MYO1D: variants seen among roughly 807,000 people sequenced by gnomAD.
MYO1D encodes the protein myosin ID, also known as unconventional myosin-Id.
MYO1D carries 83 observed loss-of-function variants against 122.0 expected under a neutral mutation model. That is an observed-to-expected ratio of 0.68 (90% CI 0.57 to 0.82). The LOEUF is 0.82. MYO1D is among the 40% of genes least tolerant of loss of function. The probability of loss-of-function intolerance (pLI) is 0.00; values close to 1 mark genes in which losing one functional copy is unlikely to be tolerated. For missense variants in MYO1D, 1,157 were observed against 1,269.5 expected (o/e 0.91, Z 1.35); for synonymous variants, 464 against 446.9 (o/e 1.04, Z -0.48).
At chr17:32,558,438 G>T (rs999463536) in intron 21 of MYO1D, among the ~76,000 whole-genome samples, 1 of 152,168 alleles carries the variant, frequency 6.6e-6, no homozygotes, top group Non-Finnish European at 1.5e-5. Flanking sequence ...ACTGCAGGAT[G>T]AACAGAAAAT....
intron 16 of MYO1D, among the ~76,000 whole-genome samples, chr17:32,696,897 A>G (rs1358300996): frequency 6.6e-6 from 1 of 152,242 alleles, no homozygotes. Flanking sequence ...ACCCACTATA[A>G]TGTCAAGTTC....
chr17:32,538,820 A>C (rs1372417197), intron 21 of MYO1D, among the ~76,000 whole-genome samples: 1 of 152,176 alleles, frequency 6.6e-6, no homozygotes, highest in Non-Finnish European at 1.5e-5. Flanking sequence ...GCTGGAAGCC[A>C]TAATCCTCAG....
intron 21 of MYO1D, among the ~76,000 whole-genome samples, chr17:32,550,380 C>T (rs544104110): frequency 2.6e-5 from 4 of 152,262 alleles, no homozygotes. Flanking sequence ...GATTACTGCG[C>T]CCAGCCTGAG....
chr17:32,600,134 T>C (rs2087546112), intron 21 of MYO1D, among the ~76,000 whole-genome samples: 1 of 152,360 alleles, frequency 6.6e-6, no homozygotes, highest in East Asian at 1.9e-4. Flanking sequence ...TTGAAAGGAA[T>C]CTTTTTTTTC....
chr17:32,814,175 C>T (rs952897769), intron 1 of MYO1D, among the ~76,000 whole-genome samples: 2 of 152,082 alleles, frequency 1.3e-5, no homozygotes, highest in African/African-American at 4.8e-5. Context: ...AAAACCCTGT[C>T]TCCACTAAAA....
chr17:32,659,045 G>A, intron 17 of MYO1D, 70 bp downstream of exon 17: 1 of 1,376,114 alleles, frequency 7.3e-7, no homozygotes, highest in Non-Finnish European at 1.0e-6. Context: ...CACGGTCTCA[G>A]ACTTGTGACT....
At chr17:32,658,139 CT>C (rs1418239804) in intron 17 of MYO1D, among the ~76,000 whole-genome samples, 3 of 151,274 alleles carry the variant, frequency 2.0e-5, no homozygotes, top group East Asian at 3.9e-4. Context: ...GCAATTATTT[CT>C]TTTTTTAAAA....
At chr17:32,503,367 C>T (rs902363737) in intron 21 of MYO1D, among the ~76,000 whole-genome samples, 4 of 152,330 alleles carry the variant, frequency 2.6e-5, no homozygotes, top group Admixed American at 2.0e-4. Context: ...CGCCGACCTG[C>T]CCTGCCCCTG....
rs2088442293 is a variant in MYO1D, at chr17:32,654,372, T to C, written c.2490+105A>G. Reference sequence around the variant, plus strand: ...TTAGTATCTCATAGAAATTATTTAGTTTCTAAAAGTGTTTTATCCTTTCTG... The same window carrying C: ...TTAGTATCTCATAGAAATTATTTAGCTTCTAAAAGTGTTTTATCCTTTCTG... On this transcript the variant is annotated intron_variant, in intron 18 of 21. Coordinates refer to ENST00000318217, the MANE Select transcript of MYO1D (RefSeq NM_015194.3). 18 of 1,244,602 alleles carry C rather than the reference T, an allele frequency of 1.4e-5. No individual in the cohort carries two copies. In the South Asian group the frequency reaches 2.3e-4, roughly 16 times the overall value. The allele number at this position is 1,244,602 out of a possible 1,614,324, so 77.1% of individuals were successfully genotyped here.
At chr17:32,581,599 C>T (rs2087340635) in intron 21 of MYO1D, among the ~76,000 whole-genome samples, 1 of 151,018 alleles carries the variant, frequency 6.6e-6, no homozygotes, top group Admixed American at 6.6e-5. Context: ...CCCGACAGGG[C>T]CTCACTTTGG....
At chr17:32,719,493 G>GGCGCCCGCCACC (rs1181468207) in intron 15 of MYO1D, among the ~76,000 whole-genome samples, 47 of 152,194 alleles carry the variant, frequency 3.1e-4, no homozygotes, top group African/African-American at 1.1e-3. Context: ...TGGGACTACA[G>GGCGCCCGCCACC]GCGCCCGCCA....
intron 1 of MYO1D, among the ~76,000 whole-genome samples, chr17:32,787,354 G>A (rs1226604520): frequency 1.3e-5 from 2 of 151,794 alleles, no homozygotes; most frequent in Admixed American, 1.3e-4. Context: ...AGTTCTTTAG[G>A]GGTGATTTCC....
chr17:32,669,526 C>T (rs894403086), intron 16 of MYO1D, among the ~76,000 whole-genome samples: 1 of 152,134 alleles, frequency 6.6e-6, no homozygotes, highest in Non-Finnish European at 1.5e-5. Flanking sequence ...TGTGAAGTTC[C>T]TGTGCATATA....
intron 21 of MYO1D, among the ~76,000 whole-genome samples, chr17:32,509,659 G>A (rs1366133037): frequency 6.6e-6 from 1 of 151,958 alleles, no homozygotes; most frequent in Non-Finnish European, 1.5e-5. Context: ...ATCGATTCCG[G>A]CTCACTGCAA....
At chr17:32,786,128 C>G (rs2090291573) in intron 1 of MYO1D, among the ~76,000 whole-genome samples, 1 of 152,114 alleles carries the variant, frequency 6.6e-6, no homozygotes, top group African/African-American at 2.4e-5. Flanking sequence ...TCCTGAGTAG[C>G]CAAACCAAAA....
At chr17:32,671,190 C>T (rs1350932127) in intron 16 of MYO1D, among the ~76,000 whole-genome samples, 1 of 152,238 alleles carries the variant, frequency 6.6e-6, no homozygotes, top group East Asian at 1.9e-4. Flanking sequence ...GCACCCCTGC[C>T]TGGGCATCAC....
rs547722692 is a variant in MYO1D at position 32,814,652 on chromosome 17, A to G, written c.96-33868T>C. On this transcript the variant is annotated intron_variant, in intron 1 of 21. Coordinates refer to ENST00000318217, the MANE Select transcript of MYO1D (RefSeq NM_015194.3). ...CTTCTAAGCACGATGCATTACAAAT[A>G]AGACAAATTAATCATTGTTGAAAAT... Among the ~76,000 whole-genome samples the G allele has an allele frequency of 2.0e-4, 31 of 152,360 alleles. No individual in the cohort carries two copies. The South Asian group carries it at 6.2e-3, about 31-fold the overall frequency.
intron 19 of MYO1D, among the ~76,000 whole-genome samples, chr17:32,643,518 C>T (rs1160704497): frequency 1.3e-5 from 2 of 152,118 alleles, no homozygotes; most frequent in Non-Finnish European, 2.9e-5. Flanking sequence ...CTCCTTCTAC[C>T]TCTGGTAGCA....
At chr17:32,694,570 G>A (rs546768685) in intron 16 of MYO1D, among the ~76,000 whole-genome samples, 2 of 151,202 alleles carry the variant, frequency 1.3e-5, no homozygotes, top group African/African-American at 4.9e-5. Flanking sequence ...GCGCGGTGGC[G>A]GGCGCCTGTA....
Sources: allele counts gnomAD v4.1 joint callset (sites outside exome capture counted in the v4.1 genomes callset), GRCh38; gene constraint gnomAD v4.1.1; transcripts MANE v1.5; gene names NCBI Gene and HGNC (gene_info 2026-07-23, HGNC 2026-07-21).